CNTN4: variants seen among roughly 807,000 people sequenced by gnomAD.
CNTN4 encodes the protein contactin 4, also known as contactin-4.
A neutral mutation model predicts 122.5 loss-of-function variants in CNTN4; 77 were observed. That is an observed-to-expected ratio of 0.63 (90% CI 0.52 to 0.76). The LOEUF (loss-of-function observed/expected upper bound fraction) is 0.76. Ranked by LOEUF, CNTN4 falls within the 30% of genes least tolerant of loss-of-function variation. CNTN4 has a pLI of 0.00. For missense variants in CNTN4, 1,256 were observed against 1,259.1 expected, an observed-to-expected ratio of 1.00 and a Z score of 0.04; for synonymous variants, 512 against 447.0, an observed-to-expected ratio of 1.15 and a Z score of -1.83.
At chr3:2,304,973 A>G (rs2042652136) in intron 2 of CNTN4, among the ~76,000 whole-genome samples, 1 of 151,922 alleles carries the variant, frequency 6.6e-6, no homozygotes, top group Non-Finnish European at 1.5e-5. Context: ...GGCAAAACTG[A>G]GATTCTAAAA....
rs960024474 is a variant in CNTN4 at position 2,933,263 on chromosome 3, C to G, written c.1358+7484C>G. On this transcript the variant is annotated intron_variant, in intron 13 of 24. Transcript: ENST00000418658. ...GATAATTTCTGGTTTTGTCCTTTTCCTCTCCGTGGGAAGATAAGCTGGTAA... is the reference window on the plus strand; with the variant it reads ...GATAATTTCTGGTTTTGTCCTTTTCGTCTCCGTGGGAAGATAAGCTGGTAA... 3.9e-5 allele frequency among the ~76,000 whole-genome samples: 6 copies of G among 152,262 alleles called. No individual in the cohort carries two copies. The South Asian group carries it at 1.2e-3, about 32-fold the overall frequency.
At chr3:2,301,680 A>G (rs1333904645) in intron 2 of CNTN4, among the ~76,000 whole-genome samples, 2 of 152,236 alleles carry the variant, frequency 1.3e-5, no homozygotes, top group African/African-American at 4.8e-5. Context: ...GGAATAATAC[A>G]GAGTCATTTG....
chr3:2,668,737 G>C (rs912773673), intron 4 of CNTN4, among the ~76,000 whole-genome samples: 29 of 152,076 alleles, frequency 1.9e-4, no homozygotes, highest in Non-Finnish European at 2.5e-4. Flanking sequence ...GTTTGTCATA[G>C]ATAGTTCTTA....
intron 4 of CNTN4, among the ~76,000 whole-genome samples, chr3:2,688,841 T>C (rs2085573108): frequency 1.3e-5 from 2 of 152,202 alleles, no homozygotes; most frequent in Admixed American, 1.3e-4. Context: ...TAAACATTTC[T>C]GTGGCCCAGT....
chr3:2,488,082 C>T (rs1242319445), intron 3 of CNTN4, among the ~76,000 whole-genome samples: 1 of 152,116 alleles, frequency 6.6e-6, no homozygotes, highest in Admixed American at 6.6e-5. Flanking sequence ...TATAGTTATC[C>T]CTAATACACA....
chr3:2,428,398 C>T lies in CNTN4; in HGVS notation c.-89+89165C>T, dbSNP rs556109653. On this transcript the variant is annotated intron_variant, in intron 3 of 24. Coordinates refer to ENST00000418658, the MANE Select transcript of CNTN4 (RefSeq NM_175607.3). ...TTGCTTTAAGAATGTTGAATATTGG[C>T]CCCCAACTCTCTTCTGGCTTGTAGA... Among the ~76,000 whole-genome samples, 15 of 152,278 alleles carry T rather than the reference C, an allele frequency of 9.9e-5. No homozygotes were observed. The South Asian group carries it at 2.7e-3, about 27-fold the overall frequency.
chr3:2,870,193 G>C (rs1322283253), intron 8 of CNTN4, among the ~76,000 whole-genome samples: 1 of 152,162 alleles, frequency 6.6e-6, no homozygotes, highest in African/African-American at 2.4e-5. Flanking sequence ...CAACAACTCT[G>C]CCTTTTCCCT....
At chr3:2,228,993 G>C (rs1448810300) in intron 2 of CNTN4, among the ~76,000 whole-genome samples, 1 of 152,104 alleles carries the variant, frequency 6.6e-6, no homozygotes, top group Non-Finnish European at 1.5e-5. Context: ...TGCTTCTGCT[G>C]TATATAAGAA....
At chr3:2,680,552 G>C (rs1245630492) in intron 4 of CNTN4, among the ~76,000 whole-genome samples, 2 of 152,106 alleles carry the variant, frequency 1.3e-5, no homozygotes, top group South Asian at 4.1e-4. Context: ...CATAACCGGA[G>C]ATGTGTGCAA....
At chr3:2,351,971 C>G (rs2044644641) in intron 3 of CNTN4, among the ~76,000 whole-genome samples, 1 of 152,086 alleles carries the variant, frequency 6.6e-6, no homozygotes, top group Non-Finnish European at 1.5e-5. Context: ...TGTCTCACCA[C>G]AAAATAGAGG....
intron 2 of CNTN4, among the ~76,000 whole-genome samples, chr3:2,156,078 G>A (rs2035704438): frequency 6.6e-6 from 1 of 152,128 alleles, no homozygotes; most frequent in Non-Finnish European, 1.5e-5. Flanking sequence ...TCCCCTGAGG[G>A]CAGGCCAGTG....
intron 14 of CNTN4, among the ~76,000 whole-genome samples, chr3:3,013,338 T>C (rs893933580): frequency 6.6e-6 from 1 of 152,160 alleles, no homozygotes; most frequent in Non-Finnish European, 1.5e-5. Context: ...GTTTTATATA[T>C]TTCATCATGA....
chr3:2,354,606 A>G (rs76777209), intron 3 of CNTN4, among the ~76,000 whole-genome samples: 3,116 of 152,316 alleles, frequency 0.02, 44 homozygotes, highest in Middle Eastern at 0.031. Context: ...TGCACCCACC[A>G]GAGTGATACC....
rs187806294 is a variant in CNTN4 at position 2,886,543 on chromosome 3, G to A, written c.756-497G>A. Among the ~76,000 whole-genome samples, 518 of 132,768 alleles carry A rather than the reference G, an allele frequency of 3.9e-3. 3 individuals carry two copies. The highest frequency in any genetic ancestry group is 0.014 in the African/African-American group (485 of 34,304). 87.1% of individuals were successfully genotyped at this position (132,768 alleles called of 152,430 possible). A position where few individuals can be genotyped will look rare whatever the true frequency, so the allele number is the denominator to read the frequency against. ...TTTTTTTTTTTTGAGACAAAGTCTC[G>A]CTCTGTCGCCCAGGCTGGAGTGCAG... On this transcript the variant is annotated intron_variant, in intron 9 of 24. Transcript: ENST00000418658.
intron 3 of CNTN4, among the ~76,000 whole-genome samples, chr3:2,402,442 T>C (rs997483731): frequency 6.6e-6 from 1 of 152,118 alleles, no homozygotes; most frequent in Non-Finnish European, 1.5e-5. Context: ...GTCGTACATA[T>C]TAAAGGGGTA....
chr3:2,552,989 C>G (rs1309749842), intron 3 of CNTN4, among the ~76,000 whole-genome samples: 1 of 152,114 alleles, frequency 6.6e-6, no homozygotes, highest in Non-Finnish European at 1.5e-5. Flanking sequence ...CATTTGACCT[C>G]CTTGGCAAGT....
chr3:2,806,609 A>G (rs76572256), intron 6 of CNTN4, among the ~76,000 whole-genome samples: 1 of 152,226 alleles, frequency 6.6e-6, no homozygotes, highest in Non-Finnish European at 1.5e-5. Flanking sequence ...CCACTTCTTC[A>G]GCAGCTTAGA....
At chr3:2,767,336 C>T (rs1216240389) in intron 6 of CNTN4, among the ~76,000 whole-genome samples, 3 of 152,122 alleles carry the variant, frequency 2.0e-5, no homozygotes, top group African/African-American at 7.2e-5. Flanking sequence ...TGTGAGTGCA[C>T]CCTTTTGATC....
chr3:2,331,634 C>T (rs1010784068), intron 2 of CNTN4, among the ~76,000 whole-genome samples: 5 of 152,256 alleles, frequency 3.3e-5, no homozygotes, highest in Admixed American at 2.6e-4. Context: ...ATGGCAGATG[C>T]ACCTGAATGT....
Sources: gnomAD v4.1 joint callset for allele counts (sites outside exome capture counted in the v4.1 genomes callset) on GRCh38, gnomAD v4.1.1 for gene constraint, MANE v1.5 for transcripts, NCBI Gene and HGNC (gene_info 2026-07-23, HGNC 2026-07-21) for gene names.